Variants in SH3KBP1 observed in about 807,000 individuals in gnomAD.
SH3KBP1 encodes SH3 domain containing kinase binding protein 1, also known as SH3 domain-containing kinase-binding protein 1.
SH3KBP1 carries 8 observed loss-of-function variants against 50.1 expected under a neutral mutation model. The ratio of observed to expected loss-of-function variants is 0.16; its 90% CI spans 0.09 to 0.29. The LOEUF is 0.29. Among genes scored for constraint, SH3KBP1 ranks in the 10% least tolerant of loss-of-function variants. The pLI is 1.00. For missense variants in SH3KBP1, 377 were observed against 535.2 expected (o/e 0.70, Z 2.92); for synonymous variants, 227 against 218.6 (o/e 1.04, Z -0.34).
chrX:19,682,840 G>T (rs1432219096), intron 6 of SH3KBP1, among the ~76,000 whole-genome samples: 1 of 105,756 alleles, frequency 9.5e-6, no homozygotes, highest in Non-Finnish European at 1.9e-5. Flanking sequence ...CGGGTGGAGG[G>T]GTGGATGTCC....
intron 8 of SH3KBP1, among the ~76,000 whole-genome samples, chrX:19,624,501 A>C (rs2067952330): frequency 9.0e-6 from 1 of 111,698 alleles, no homozygotes; most frequent in Non-Finnish European, 1.9e-5. Flanking sequence ...CAAAGGAAAA[A>C]TCTATAATAA....
chrX:19,827,386 C>A (rs1012749480), intron 2 of SH3KBP1, among the ~76,000 whole-genome samples: 1 of 112,077 alleles, frequency 8.9e-6, no homozygotes, highest in Non-Finnish European at 1.9e-5. Context: ...CTGCCTTCCA[C>A]ATGTCTATCT....
At chrX:19,633,669 A>G (rs900482004) in intron 7 of SH3KBP1, among the ~76,000 whole-genome samples, 14 of 112,069 alleles carry the variant, frequency 1.2e-4, no homozygotes, top group African/African-American at 4.5e-4. Flanking sequence ...AAATCATGAA[A>G]CAATTTTTAC....
chrX:19,800,871 C>T (rs943907827), intron 2 of SH3KBP1, among the ~76,000 whole-genome samples: 2 of 111,553 alleles, frequency 1.8e-5, no homozygotes, highest in African/African-American at 6.5e-5. Context: ...CAGAGGATCA[C>T]CTTGCTTGCA....
chrX:19,737,388 CT>C (rs1266649314), intron 3 of SH3KBP1, among the ~76,000 whole-genome samples: 1 of 111,541 alleles, frequency 9.0e-6, no homozygotes, highest in Non-Finnish European at 1.9e-5. Context: ...TCTGTAACCT[CT>C]GTAACTCTGT....
intron 8 of SH3KBP1, among the ~76,000 whole-genome samples, chrX:19,626,210 CAT>C (rs1450544203): frequency 9.0e-6 from 1 of 110,852 alleles, no homozygotes; most frequent in African/African-American, 3.3e-5. Context: ...GGGAGGAAAA[CAT>C]ATTGAGGTAG....
chrX:19,773,670 C>T (rs1603229204), intron 2 of SH3KBP1, among the ~76,000 whole-genome samples: 1 of 108,076 alleles, frequency 9.3e-6, no homozygotes, highest in East Asian at 2.9e-4. Context: ...TCCTGGCTAA[C>T]ACAGTGAAAC....
intron 2 of SH3KBP1, among the ~76,000 whole-genome samples, chrX:19,773,494 A>AAC (rs749894154): frequency 0.028 from 2,620 of 94,437 alleles, 31 homozygotes; most frequent in African/African-American, 0.046. Flanking sequence ...CACACACACA[A>AAC]ACACACACAC....
At chrX:19,693,750 C>A in intron 5 of SH3KBP1, among the ~76,000 whole-genome samples, 1 of 111,951 alleles carries the variant, frequency 8.9e-6, no homozygotes, top group East Asian at 2.8e-4. Flanking sequence ...ACAGGGTGAA[C>A]TGTCCATATT....
intron 12 of SH3KBP1, chrX:19,588,430 C>A: frequency 8.7e-7 from 1 of 1,150,743 alleles, no homozygotes; most frequent in Non-Finnish European, 1.2e-6. Flanking sequence ...CCACACCGCA[C>A]CCCTCAACCT....
At chrX:19,603,694 T>G (rs770255464) in intron 9 of SH3KBP1, among the ~76,000 whole-genome samples, 2 of 112,239 alleles carry the variant, frequency 1.8e-5, no homozygotes, top group Non-Finnish European at 3.8e-5. Context: ...GCCTGAGATT[T>G]ACTTTTTTTT....
intron 13 of SH3KBP1, among the ~76,000 whole-genome samples, chrX:19,559,624 C>T (rs1016222705): frequency 1.5e-4 from 17 of 111,006 alleles, no homozygotes; most frequent in South Asian, 3.9e-4. Context: ...CCACTGCGCC[C>T]GGCCAGAACG....
rs2064691317 is a variant in SH3KBP1 at position 19,535,750 on chromosome X, C to A, written c.*667G>T. The stretch of plus-strand genomic sequence containing the variant: ...CATGGTAGCTGCATCACAAAAGCTC[C>A]AATCAAGAGGGTGGTAAAAAGAAGG... On this transcript the variant is annotated 3_prime_UTR_variant, in exon 18 of 18. Transcript: ENST00000397821. 9.0e-6 allele frequency: 1 copy of A among 110,862 alleles called. No individual in the cohort carries two copies. Among genetic ancestry groups the A allele is most frequent in the Admixed American group, 9.7e-5 (1 of 10,348 alleles). 9.1% of individuals were successfully genotyped at this position (110,862 alleles called of 1,213,427 possible). A position where few individuals can be genotyped will look rare whatever the true frequency, so the allele number is the denominator to read the frequency against.
At chrX:19,686,225 T>A in intron 5 of SH3KBP1, among the ~76,000 whole-genome samples, 1 of 112,270 alleles carries the variant, frequency 8.9e-6, no homozygotes. Flanking sequence ...TCTAACTATC[T>A]GTGTTGGTAA....
At chrX:19,691,787 A>T (rs1374555714) in intron 5 of SH3KBP1, among the ~76,000 whole-genome samples, 3 of 111,365 alleles carry the variant, frequency 2.7e-5, no homozygotes, top group Non-Finnish European at 5.7e-5. Flanking sequence ...ACTTGCCATA[A>T]TTTTATGTGT....
rs766831793 is a variant in SH3KBP1, at chrX:19,759,987, C to G, written c.163-13546G>C. On this transcript the variant is annotated intron_variant, in intron 2 of 17. Transcript: ENST00000397821. ...TTTTAATTACCATAAGGAGCTAGGACCATAACTATAAATCAGTCTCGGTCT... is the reference window on the plus strand; with the variant it reads ...TTTTAATTACCATAAGGAGCTAGGAGCATAACTATAAATCAGTCTCGGTCT... Among the ~76,000 whole-genome samples the G allele has an allele frequency of 7.7e-5, 8 of 103,537 alleles. No individual in the cohort carries two copies. The South Asian group carries it at 3.2e-3, about 41-fold the overall frequency. The allele number at this position is 103,537 out of a possible 115,157, so 89.9% of individuals were successfully genotyped here. A position where few individuals can be genotyped will look rare whatever the true frequency, so the allele number is the denominator to read the frequency against.
chrX:19,542,446 A>C (rs1008188829), intron 15 of SH3KBP1, among the ~76,000 whole-genome samples: 6 of 111,780 alleles, frequency 5.4e-5, no homozygotes, highest in African/African-American at 1.6e-4. Context: ...GGTTCAATAT[A>C]CACATTGAGA....
At chrX:19,825,920 C>T (rs1174068366) in intron 2 of SH3KBP1, among the ~76,000 whole-genome samples, 2 of 111,736 alleles carry the variant, frequency 1.8e-5, no homozygotes, top group African/African-American at 3.3e-5. Flanking sequence ...GGCCTCCTTC[C>T]TACCTGGCAT....
chrX:19,601,656 G>A (rs1003636259), intron 9 of SH3KBP1: 1 of 111,378 alleles, frequency 9.0e-6, no homozygotes, highest in African/African-American at 3.3e-5. Flanking sequence ...TGAGGCTGGA[G>A]AGGGGACACA....
Sources: gnomAD v4.1 joint callset for allele counts (sites outside exome capture counted in the v4.1 genomes callset) on GRCh38, gnomAD v4.1.1 for gene constraint, MANE v1.5 for transcripts, NCBI Gene and HGNC (gene_info 2026-07-23, HGNC 2026-07-21) for gene names.